Variants in DNAH17 observed in about 807,000 individuals in gnomAD.
The protein encoded by DNAH17 is axonemal beta dynein heavy chain 17.
A neutral mutation model predicts 485.6 loss-of-function variants in DNAH17; 376 were observed. The ratio of observed to expected loss-of-function variants is 0.77; its 90% CI spans 0.71 to 0.84. The LOEUF (loss-of-function observed/expected upper bound fraction) is 0.84, where lower values mean the gene tolerates loss of function less well. DNAH17 is among the 40% of genes least tolerant of loss of function. The pLI is 0.00. For synonymous variants in DNAH17, 3,031 were observed against 2,405.9 expected (o/e 1.26, Z -7.60); for missense variants, 6,370 against 5,839.3 (o/e 1.09, Z -2.96).
intron 22 of DNAH17, among the ~76,000 whole-genome samples, chr17:78,527,463 G>A (rs2143268047): frequency 6.6e-6 from 1 of 152,324 alleles, no homozygotes; most frequent in Admixed American, 6.5e-5. Flanking sequence ...AACTAGACCA[G>A]AGAATGTACT....
intron 51 of DNAH17, among the ~76,000 whole-genome samples, chr17:78,477,990 TCAC>T (rs1371268044): frequency 2.7e-4 from 29 of 105,870 alleles, no homozygotes; most frequent in East Asian, 1.5e-3. Context: ...ATCACCACCA[TCAC>T]CACCACCATC....
chr17:78,566,469 T>C (rs1029742409), intron 11 of DNAH17, 145 bp downstream of exon 11: 7 of 632,790 alleles, frequency 1.1e-5, no homozygotes, highest in Non-Finnish European at 1.9e-5. Flanking sequence ...GCTGACTGAC[T>C]CTGAGGCACA....
intron 25 of DNAH17, among the ~76,000 whole-genome samples, chr17:78,521,938 A>G (rs1240233942): frequency 2.0e-5 from 3 of 152,176 alleles, no homozygotes; most frequent in African/African-American, 7.2e-5. Context: ...GTGAGTTGAG[A>G]TCGTGCCACT....
chr17:78,490,809 G>T lies in DNAH17; in HGVS notation c.6708C>A (p.Asn2236Lys). The stretch of plus-strand genomic sequence containing the variant: ...TTTCGAACACCAGCCTCATGGTGCG[G>T]TTCAGGGGGATCCGCTCGTTGCTGG... ...TLASNERIPLNRTMRLVFEIS... is the reference protein window; with the variant it reads ...TLASNERIPLKRTMRLVFEIS... The change falls in exon 44 of 81, where the codon AAC becomes AAA. Residue 2236 changes from asparagine (N) to lysine (K), a missense_variant. Transcript: ENST00000389840. 1 of 1,604,594 alleles carries T rather than the reference G, an allele frequency of 6.2e-7. No homozygotes were observed. Among genetic ancestry groups the T allele is most frequent in the Non-Finnish European group, 8.5e-7 (1 of 1,175,748 alleles).
Position 78,570,988 on chromosome 17 carries a change from C to A in DNAH17, c.878G>T (p.Arg293Leu), listed in dbSNP as rs779093069. ...TTGTTCCATCTCCTCCAGCAGGATC[C>A]GTAGGGGCTTCAAATAGAGCACGAT... The part of the protein sequence containing the change: ...NDIVLYLKPL[R>L]ILLEEMEQAD... The change falls in exon 6 of 81, where the codon CGG becomes CTG. Residue 293 changes from arginine to leucine, a missense_variant. Arg to Leu is a moderately radical substitution (Grantham distance 102, BLOSUM62 -2). Transcript: ENST00000389840. 6.3e-7 allele frequency: 1 copy of A among 1,584,816 alleles called. No homozygotes were observed. The highest frequency in any genetic ancestry group is 1.8e-5 in the Admixed American group (1 of 55,748).
chr17:78,558,118 C>T lies in DNAH17; in HGVS notation c.2168G>A (p.Trp723Ter). 1 of 1,613,210 alleles carries T rather than the reference C, an allele frequency of 6.2e-7. No individual in the cohort carries two copies. Among genetic ancestry groups the T allele is most frequent in the Non-Finnish European group, 8.5e-7 (1 of 1,179,600 alleles). The part of the protein sequence containing the change: ...FVGNLELIVG[W>*]YNEIKTIVKA... ...GACTCACCAACTCACCTCATTATAC[C>T]AGCCAACGATGAGCTCCAGGTTGCC... Residue 723 changes from tryptophan to a stop codon, truncating the protein, a stop_gained, in exon 14 of 81, where the codon TGG (tryptophan) becomes TAG (stop). Coordinates refer to ENST00000389840, the MANE Select transcript of DNAH17 (RefSeq NM_173628.4). LOFTEE classifies it high-confidence loss of function.
intron 49 of DNAH17, among the ~76,000 whole-genome samples, chr17:78,479,886 C>T (rs1196373278): frequency 2.6e-5 from 4 of 152,156 alleles, no homozygotes; most frequent in Non-Finnish European, 4.4e-5. Context: ...GCTCAGAGTA[C>T]AGGCCTGGGT....
At chr17:78,570,856 C>CAAAAAAAAAAAAAAAAAAAAA (rs60897530) in intron 6 of DNAH17, 92 bp downstream of exon 6, 22 of 292,094 alleles carry the variant, frequency 7.5e-5, no homozygotes, top group Admixed American at 3.6e-4. Flanking sequence ...GACTCCCTCT[C>CAAAAAAAAAAAAAAAAAAAAA]AAAAAAAAAA....
At chr17:78,542,428 G>A (rs572329431) in intron 17 of DNAH17, among the ~76,000 whole-genome samples, 4 of 152,262 alleles carry the variant, frequency 2.6e-5, no homozygotes, top group African/African-American at 9.6e-5. Flanking sequence ...GACTACCAGC[G>A]TGAGCCACTA....
Position 78,512,940 on chromosome 17 carries a change from C to CAA in DNAH17, c.4113+1832_4113+1833dup, listed in dbSNP as rs57734613. On this transcript the variant is annotated intron_variant, in intron 26 of 80. Coordinates refer to ENST00000389840, the MANE Select transcript of DNAH17 (RefSeq NM_173628.4). Reference sequence around the variant, plus strand: ...TGGGCAACAGAGAGAGACTCTAACTCAAAAAAAAAAAAAAAAAAAAAAAAG... The same window carrying CAA: ...TGGGCAACAGAGAGAGACTCTAACTCAAAAAAAAAAAAAAAAAAAAAAAAAAG... Among the ~76,000 whole-genome samples, 545 of 83,050 alleles carry CAA rather than the reference C, an allele frequency of 6.6e-3. 5 individuals are homozygous for CAA. Among genetic ancestry groups the CAA allele is most frequent in the African/African-American group, 0.019 (369 of 19,390 alleles). 54.5% of individuals were successfully genotyped at this position (83,050 alleles called of 152,430 possible).
Position 78,458,572 on chromosome 17 carries a change from C to G in DNAH17, c.9970G>C (p.Ala3324Pro). ...TCGGGGAGGAGCTGATACCTGTTCG[C>G]CAGTAAGATCACCCTGTTCGTGGCA... ...ADATNRVILL[A>P]NRLVGGLASE... Residue 3324 changes from alanine (A) to proline (P), a missense_variant, in exon 62 of 81, where the codon GCG (alanine) becomes CCG (proline). Transcript: ENST00000389840. 6.2e-7 allele frequency: 1 copy of G among 1,613,770 alleles called. No homozygotes were observed. The highest frequency in any genetic ancestry group is 8.5e-7 in the Non-Finnish European group (1 of 1,179,762).
At position 78,455,748 on chromosome 17, in the gene DNAH17, C is replaced by T. The variant is rs111563325; in HGVS notation, c.10066G>A (p.Val3356Ile). Residue 3356 changes from valine (V) to isoleucine (I), a missense_variant, in exon 63 of 81, where the codon GTC (valine) becomes ATC (isoleucine). Transcript: ENST00000389840. Reference sequence around the variant, plus strand: ...GACACGAAGGCAGAGATGAGCAGGACGTCCCCACACAGCGTGACCCCCTGG... The same window carrying T: ...GACACGAAGGCAGAGATGAGCAGGATGTCCCCACACAGCGTGACCCCCTGG... ...RSQGVTLCGD[V>I]LLISAFVSYV... 0.012 allele frequency: 19,952 copies of T among 1,613,010 alleles called. 142 individuals are homozygous for T. Among genetic ancestry groups the T allele is most frequent in the Non-Finnish European group, 0.015 (17,139 of 1,179,490 alleles).
chr17:78,502,685 C>A lies in DNAH17; in HGVS notation c.5096G>T (p.Cys1699Phe). The A allele has an allele frequency of 6.2e-7, 1 of 1,611,890 alleles. No homozygotes were observed. The change falls in exon 33 of 81, where the codon TGC becomes TTC. Residue 1699 changes from cysteine (C) to phenylalanine (F), a missense_variant. Physicochemically the swap from Cys to Phe is radical, Grantham distance 205. Transcript: ENST00000389840. ...LDYPAQVALT[C>F]TQIWWTTEVG... ...CTCGGTCGTCCACCAGATCTGGGTG[C>A]AAGTCAGGGCCACCTGAAAGTACAT...
chr17:78,452,513 G>T (rs971778695), intron 65 of DNAH17, among the ~76,000 whole-genome samples: 28 of 152,144 alleles, frequency 1.8e-4, no homozygotes, highest in African/African-American at 5.3e-4. Flanking sequence ...CGAGGCAGGT[G>T]GATCACCTGA....
chr17:78,439,618 T>C (rs2086987937), intron 72 of DNAH17, among the ~76,000 whole-genome samples: 1 of 151,908 alleles, frequency 6.6e-6, no homozygotes, highest in East Asian at 1.9e-4. Flanking sequence ...TCACTGAGCA[T>C]AGTGTTTTTG....
chr17:78,529,600 C>T lies in DNAH17; in HGVS notation c.3379G>A (p.Gly1127Arg), dbSNP rs61733896. Residue 1127 changes from glycine to arginine, a missense_variant, in exon 22 of 81, where the codon GGG becomes AGG. Physicochemically the swap from Gly to Arg is moderately radical, Grantham distance 125. Coordinates refer to ENST00000389840, the MANE Select transcript of DNAH17 (RefSeq NM_173628.4). The part of the protein sequence containing the change: ...GDYDGLVEVM[G>R]HLMKVKERQA... Reference sequence around the variant, plus strand: ...CTCTCCTTGACTTTCATCAGGTGCCCCATCACCTCCACAAGCCCATCATAG... The same window carrying T: ...CTCTCCTTGACTTTCATCAGGTGCCTCATCACCTCCACAAGCCCATCATAG... The T allele has an allele frequency of 1.2e-6, 2 of 1,613,936 alleles. No homozygotes were observed. The highest frequency in any genetic ancestry group is 1.6e-4 in the Middle Eastern group (1 of 6,062).
chr17:78,455,409 T>G (rs2146510134), intron 63 of DNAH17, among the ~76,000 whole-genome samples: 1 of 152,024 alleles, frequency 6.6e-6, no homozygotes, highest in East Asian at 1.9e-4. Context: ...CACTGCAACC[T>G]CCGCCTCCAA....
chr17:78,501,133 C>A, intron 35 of DNAH17, 51 bp downstream of exon 35: 5 of 1,513,128 alleles, frequency 3.3e-6, no homozygotes, highest in Non-Finnish European at 4.5e-6. Flanking sequence ...AAGAATCATG[C>A]GGAAGGGACC....
At chr17:78,440,762 T>C (rs753447404) in intron 72 of DNAH17, among the ~76,000 whole-genome samples, 3 of 152,228 alleles carry the variant, frequency 2.0e-5, no homozygotes, top group Admixed American at 6.5e-5. Flanking sequence ...AGGCGTGGAA[T>C]TGCTGGCTCT....
Sources: allele counts gnomAD v4.1 joint callset (sites outside exome capture counted in the v4.1 genomes callset), GRCh38; gene constraint gnomAD v4.1.1; transcripts MANE v1.5; gene names NCBI Gene and HGNC (gene_info 2026-07-23, HGNC 2026-07-21).